TJP1: variants seen among roughly 807,000 people sequenced by gnomAD.
The protein encoded by TJP1 is tight junction protein 1.
TJP1 carries 43 observed loss-of-function variants against 194.2 expected under a neutral mutation model. That is an observed-to-expected ratio of 0.22 (90% confidence interval 0.17 to 0.29). The LOEUF (loss-of-function observed/expected upper bound fraction) is 0.29, where lower values mean the gene tolerates loss of function less well. Ranked by LOEUF, TJP1 falls within the 10% of genes least tolerant of loss-of-function variation. The probability of loss-of-function intolerance (pLI) is 1.00; values close to 1 mark genes in which losing one functional copy is unlikely to be tolerated. For missense variants in TJP1, 1,971 were observed against 2,185.7 expected (o/e 0.90, Z 1.96); for synonymous variants, 801 against 779.0 (o/e 1.03, Z -0.47).
chr15:29,772,222 A>C (rs2046735789), intron 3 of TJP1, 56 bp from the exon 4 acceptor site: 1 of 1,094,542 alleles, frequency 9.1e-7, no homozygotes, highest in Non-Finnish European at 1.3e-6. Flanking sequence ...TGGTAAGTTT[A>C]TGATGATATT....
At chr15:29,799,727 T>G (rs2048659536) in intron 2 of TJP1, among the ~76,000 whole-genome samples, 1 of 152,174 alleles carries the variant, frequency 6.6e-6, no homozygotes, top group Non-Finnish European at 1.5e-5. Context: ...AAACAACTAT[T>G]TTTTAATAAT....
intron 2 of TJP1, among the ~76,000 whole-genome samples, chr15:29,799,514 A>ACG (rs1440905485): frequency 6.6e-6 from 1 of 151,344 alleles, no homozygotes; most frequent in African/African-American, 2.4e-5. Flanking sequence ...TCCTGGGTTC[A>ACG]CGCCATTCTC....
intron 2 of TJP1, among the ~76,000 whole-genome samples, chr15:29,925,711 T>C (rs182186910): frequency 4.3e-4 from 66 of 152,314 alleles, no homozygotes; most frequent in Admixed American, 3.9e-3. Flanking sequence ...ACATTCTCCT[T>C]CAGCTCTTCT....
chr15:29,920,730 C>A (rs1293849181), intron 2 of TJP1, among the ~76,000 whole-genome samples: 8 of 152,156 alleles, frequency 5.3e-5, no homozygotes, highest in Non-Finnish European at 1.2e-4. Flanking sequence ...TCCTGCTGAG[C>A]AAGGGAACTA....
chr15:29,710,722 A>G, intron 24 of TJP1, 109 bp downstream of exon 24: 1 of 1,381,140 alleles, frequency 7.2e-7, no homozygotes. Flanking sequence ...CCCAGCCCAA[A>G]GGTTTCAAGC....
chr15:29,707,001 G>A (rs2041940905), intron 25 of TJP1, among the ~76,000 whole-genome samples: 1 of 152,078 alleles, frequency 6.6e-6, no homozygotes, highest in African/African-American at 2.4e-5. Flanking sequence ...TCTCACGGCT[G>A]ACAGCATCTC....
chr15:29,826,507 CA>C (rs2050681046), upstream of TJP1, among the ~76,000 whole-genome samples: 6 of 152,320 alleles, frequency 3.9e-5, no homozygotes, highest in South Asian at 1.2e-3. Flanking sequence ...ATAGAGAAAA[CA>C]GACATTAAGG....
At position 29,730,668 on chromosome 15, in the gene TJP1, G is replaced by A. The variant is rs898618116; in HGVS notation, c.2017+1765C>T. 1.1e-4 allele frequency: 82 copies of A among 723,876 alleles called. No homozygotes were observed. The Admixed American group carries it at 1.2e-3, about 10-fold the overall frequency. 44.8% of individuals were successfully genotyped at this position (723,876 alleles called of 1,614,324 possible). ...CCGGACCGACCAAAGCCCGCGTGCC[G>A]CTGCATCCCACGTCCAGCACCTACG... is the stretch of plus-strand genomic sequence containing the variant. On this transcript the variant is annotated intron_variant, in intron 15 of 27. Coordinates refer to ENST00000614355, the MANE Select transcript of TJP1 (RefSeq NM_001330239.4).
At chr15:29,734,169 C>T (rs2043858402) in intron 12 of TJP1, 105 bp downstream of exon 12, 6 of 699,194 alleles carry the variant, frequency 8.6e-6, no homozygotes, top group East Asian at 2.8e-5. Context: ...CAAATTCATT[C>T]ATCACTCAAC....
chr15:29,887,197 A>G (rs2053143207), intron 2 of TJP1, among the ~76,000 whole-genome samples: 1 of 151,238 alleles, frequency 6.6e-6, no homozygotes, highest in Admixed American at 6.6e-5. Context: ...AATATATTCC[A>G]CATGAATTTA....
chr15:29,775,625 G>A (rs932188522), intron 2 of TJP1, among the ~76,000 whole-genome samples: 2 of 151,734 alleles, frequency 1.3e-5, no homozygotes, highest in Non-Finnish European at 2.9e-5. Context: ...GGGGACTACT[G>A]TACACAAAAC....
At chr15:29,764,693 G>T (rs1460980457) in intron 5 of TJP1, among the ~76,000 whole-genome samples, 2 of 152,084 alleles carry the variant, frequency 1.3e-5, no homozygotes, top group African/African-American at 4.8e-5. Context: ...CTGAGAAACT[G>T]GATCAATAGA....
In TJP1 at chr15:29,943,516, TACTC is replaced by T. The variant is rs2055159990; in HGVS notation, c.306+12712_306+12715del. Among the ~76,000 whole-genome samples the T allele has an allele frequency of 2.7e-5, 4 of 147,394 alleles. No homozygotes were observed. In the South Asian group the frequency reaches 8.5e-4, roughly 31 times the overall value. ...GGTGGCGTGCGCCTGTAATCTCAGC[TACTC>T]AGGAGGCTGAGGCAGGAGAATTGCT... On this transcript the variant is annotated intron_variant, in intron 2 of 28. Coordinates refer to the TJP1 transcript ENST00000356107.
rs11353216 is a variant in TJP1, at chr15:29,909,338, CAA to C, written c.306+46892_306+46893del. On this transcript the variant is annotated intron_variant, in intron 2 of 28. Transcript: ENST00000356107. ...GGGCGACAGAGCATGACTTCATCTC[CAA>C]AAAAAAAAAAAAAAAAAGAGGCTCA... 2.3e-3 allele frequency among the ~76,000 whole-genome samples: 219 copies of C among 93,640 alleles called. 1 individual carries two copies. The highest frequency in any genetic ancestry group is 6.6e-3 in the African/African-American group (163 of 24,562). The allele number at this position is 93,640 out of a possible 152,430, so 61.4% of individuals were successfully genotyped here.
intron 2 of TJP1, among the ~76,000 whole-genome samples, chr15:29,864,764 G>C (rs2052241489): frequency 6.6e-6 from 1 of 152,112 alleles, no homozygotes; most frequent in Non-Finnish European, 1.5e-5. Flanking sequence ...TTTCTTATCA[G>C]TTAGCTACGT....
At chr15:29,710,331 A>G (rs564185243) in intron 24 of TJP1, among the ~76,000 whole-genome samples, 3 of 152,320 alleles carry the variant, frequency 2.0e-5, no homozygotes, top group African/African-American at 4.8e-5. Flanking sequence ...GAATAATAAG[A>G]GAAGTCTGTG....
intron 1 of TJP1, among the ~76,000 whole-genome samples, chr15:29,958,369 C>A (rs751200001): frequency 6.6e-6 from 1 of 150,882 alleles, no homozygotes; most frequent in Admixed American, 6.6e-5. Context: ...TTTACCCAAT[C>A]TGAGGGTTAA....
chr15:29,881,329 A>G (rs1230955219), intron 2 of TJP1, among the ~76,000 whole-genome samples: 2 of 152,132 alleles, frequency 1.3e-5, no homozygotes, highest in Non-Finnish European at 2.9e-5. Flanking sequence ...GGAATTCGTT[A>G]TATATTTTGG....
At chr15:29,861,468 TG>T (rs2052078414) in intron 2 of TJP1, among the ~76,000 whole-genome samples, 3 of 152,158 alleles carry the variant, frequency 2.0e-5, no homozygotes, top group Admixed American at 1.3e-4. Context: ...GTGATGACCT[TG>T]AGCAGTAGGA....
Sources: allele counts gnomAD v4.1 joint callset (sites outside exome capture counted in the v4.1 genomes callset), GRCh38; gene constraint gnomAD v4.1.1; transcripts MANE v1.5; gene names NCBI Gene and HGNC (gene_info 2026-07-23, HGNC 2026-07-21).